ARL5B: variants seen among roughly 807,000 people sequenced by gnomAD.
The protein encoded by ARL5B is ARF like GTPase 5B, also known as ADP-ribosylation factor-like protein 5B.
ARL5B carries 10 observed loss-of-function variants against 26.9 expected under a neutral mutation model. The ratio of observed to expected loss-of-function variants is 0.37; its 90% CI spans 0.23 to 0.63. ARL5B has a LOEUF of 0.63. Among genes scored for constraint, ARL5B ranks in the 30% least tolerant of loss-of-function variants. The pLI, the probability that ARL5B is intolerant of heterozygous loss-of-function variation, is 0.62. For missense variants in ARL5B, 167 were observed against 213.9 expected (o/e 0.78, Z 1.37); for synonymous variants, 87 against 70.4 (o/e 1.24, Z -1.18).
chr10:18,671,069 T>C (rs201376557), intron 3 of ARL5B, among the ~76,000 whole-genome samples: 2 of 151,992 alleles, frequency 1.3e-5, no homozygotes, highest in Non-Finnish European at 2.9e-5. Context: ...CACAGTTGTT[T>C]CCCATATTCT....
In ARL5B at chr10:18,675,335, A is replaced by G. The variant is rs949128399; in HGVS notation, c.*119A>G. The G allele has an allele frequency of 5.4e-5, 52 of 962,002 alleles. No homozygotes were observed. In the Middle Eastern group the frequency reaches 8.7e-4, roughly 16 times the overall value. 59.6% of individuals were successfully genotyped at this position (962,002 alleles called of 1,614,324 possible). A position where few individuals can be genotyped will look rare whatever the true frequency, so the allele number is the denominator to read the frequency against. On this transcript the variant is annotated 3_prime_UTR_variant, in exon 6 of 6. Coordinates refer to ENST00000377275, the MANE Select transcript of ARL5B (RefSeq NM_178815.5). ...TATAACAACACAAACCTCTGAGAGC[A>G]ACACTTGAATCAAGTGCAGCTGAAC...
intron 1 of ARL5B, among the ~76,000 whole-genome samples, chr10:18,660,586 C>T (rs1381316043): frequency 6.6e-6 from 1 of 151,746 alleles, no homozygotes; most frequent in East Asian, 1.9e-4. Context: ...TTTGTTACTG[C>T]TAATGTAGGT....
chr10:18,667,491 T>C (rs898297582), intron 2 of ARL5B, among the ~76,000 whole-genome samples: 1 of 152,200 alleles, frequency 6.6e-6, no homozygotes, highest in African/African-American at 2.4e-5. Context: ...AAACATCACA[T>C]ATAAACATTT....
intron 1 of ARL5B, chr10:18,659,986 C>T (rs1424392652): frequency 2.1e-6 from 2 of 966,528 alleles, no homozygotes; most frequent in Non-Finnish European, 2.5e-6. Flanking sequence ...GTATGGAGGG[C>T]CTTTCTCGTC....
In ARL5B at chr10:18,675,148, T is replaced by C; in HGVS notation, c.492-20T>C. 1 of 1,608,772 alleles carries C rather than the reference T, an allele frequency of 6.2e-7. No individual in the cohort carries two copies. The highest frequency in any genetic ancestry group is 2.2e-5 in the East Asian group (1 of 44,818). On this transcript the variant is annotated intron_variant, in intron 5 of 5. Coordinates refer to ENST00000377275, the MANE Select transcript of ARL5B (RefSeq NM_178815.5). ...TAAGTATAAGGTTTTTAATTAAAAA[T>C]ACTTCTATCTTTTGTTTAGGTTATG...
intron 1 of ARL5B, among the ~76,000 whole-genome samples, chr10:18,666,318 A>G (rs1380730615): frequency 2.0e-5 from 3 of 152,252 alleles, no homozygotes; most frequent in Non-Finnish European, 4.4e-5. Flanking sequence ...TAAGTGACCA[A>G]CTTTGCTGGT....
chr10:18,666,682 A>T (rs756735575), intron 2 of ARL5B, 47 bp downstream of exon 2: 21 of 1,463,424 alleles, frequency 1.4e-5, no homozygotes, highest in Non-Finnish European at 1.2e-5. Flanking sequence ...TATTGAAACT[A>T]ATGTGTTTAC....
chr10:18,668,782 T>C (rs1590226722), intron 3 of ARL5B, 105 bp downstream of exon 3: 4 of 1,254,734 alleles, frequency 3.2e-6, no homozygotes, highest in Non-Finnish European at 4.3e-6. Flanking sequence ...TTTTTTTTTT[T>C]TTTTTTAAGA....
At chr10:18,662,507 C>T (rs1472663327) in intron 1 of ARL5B, among the ~76,000 whole-genome samples, 1 of 152,168 alleles carries the variant, frequency 6.6e-6, no homozygotes. Flanking sequence ...ATTTGGAATT[C>T]TGATTATCTC....
chr10:18,681,433 C>T lies in ARL5B; in HGVS notation c.*6217C>T, dbSNP rs1245692317. 1 of 152,076 alleles carries T rather than the reference C, an allele frequency of 6.6e-6. No homozygotes were observed. The highest frequency in any genetic ancestry group is 1.5e-5 in the Non-Finnish European group (1 of 68,016). The allele number at this position is 152,076 out of a possible 1,614,324, so 9.4% of individuals were successfully genotyped here. ...ATATGTTAAGTTTAGGTTGCCAGTA[C>T]TCATAATTTTTATTTCTGCAATTAT... On this transcript the variant is annotated 3_prime_UTR_variant, in exon 6 of 6. Coordinates refer to ENST00000377275, the MANE Select transcript of ARL5B (RefSeq NM_178815.5).
intron 5 of ARL5B, among the ~76,000 whole-genome samples, chr10:18,674,359 A>G (rs1368681248): frequency 2.0e-5 from 3 of 152,226 alleles, no homozygotes; most frequent in African/African-American, 7.2e-5. Flanking sequence ...ACCAAAAAGC[A>G]ATAAACTATT....
At chr10:18,666,985 C>T (rs536035974) in intron 2 of ARL5B, among the ~76,000 whole-genome samples, 1 of 152,106 alleles carries the variant, frequency 6.6e-6, no homozygotes, top group East Asian at 1.9e-4. Flanking sequence ...GCCATTGCTA[C>T]CCTCCTGACT....
rs765341931 is a variant in ARL5B at position 18,674,001 on chromosome 10, A to T, written c.357A>T (p.Ala119=). The part of the protein sequence containing the change: ...MLAHEDLRKA[A]VLIFANKQDM... ...GATTGCAGGATTTACGGAAGGCTGC[A>T]GTCCTTATCTTTGCAAATAAACAGG... Residue 119 remains alanine (A), a synonymous_variant, in exon 5 of 6, where the codon GCA becomes GCT. Transcript: ENST00000377275. The T allele has an allele frequency of 6.2e-7, 1 of 1,605,504 alleles. No individual in the cohort carries two copies. The highest frequency in any genetic ancestry group is 2.3e-5 in the East Asian group (1 of 44,362).
chr10:18,680,066 G>A lies in ARL5B; in HGVS notation c.*4850G>A, dbSNP rs1157087856. 5.3e-5 allele frequency: 8 copies of A among 151,960 alleles called. No homozygotes were observed. Among genetic ancestry groups the A allele is most frequent in the African/African-American group, 1.7e-4 (7 of 41,414 alleles). The allele number at this position is 151,960 out of a possible 1,614,324, so 9.4% of individuals were successfully genotyped here. ...GAAATGGAGAAATATGAAATGTGCT[G>A]TGCATAGCTTTTGGAATAGAAAACA... On this transcript the variant is annotated 3_prime_UTR_variant, in exon 6 of 6. Transcript: ENST00000377275.
chr10:18,661,545 A>G (rs181021607), intron 1 of ARL5B, among the ~76,000 whole-genome samples: 106 of 152,330 alleles, frequency 7.0e-4, no homozygotes, highest in African/African-American at 2.4e-3. Context: ...ATTCATTCAT[A>G]CAGCCATAGG....
rs2131656461 is a variant in ARL5B, at chr10:18,680,139, T to C, written c.*4923T>C. ...TTTTCTTGCACAACTTGTAAAATTT[T>C]AATTAAAAAATTACCTCATTTTTCA... On this transcript the variant is annotated 3_prime_UTR_variant, in exon 6 of 6. Transcript: ENST00000377275. 1 of 152,192 alleles carries C rather than the reference T, an allele frequency of 6.6e-6. No homozygotes were observed. Among genetic ancestry groups the C allele is most frequent in the African/African-American group, 2.4e-5 (1 of 41,574 alleles). The allele number at this position is 152,192 out of a possible 1,614,324, so 9.4% of individuals were successfully genotyped here.
chr10:18,670,742 G>A (rs1386434185), intron 3 of ARL5B, among the ~76,000 whole-genome samples: 3 of 152,212 alleles, frequency 2.0e-5, no homozygotes, highest in Admixed American at 6.5e-5. Flanking sequence ...TTGATGAATA[G>A]GTCAAAGTTG....
In ARL5B at chr10:18,666,812, TA is replaced by T. The variant is rs745441020; in HGVS notation, c.107+180del. Among the ~76,000 whole-genome samples the T allele has an allele frequency of 1.6e-3, 250 of 152,358 alleles. 3 individuals carry two copies. The highest frequency in any genetic ancestry group is 2.4e-3 in the Admixed American group (37 of 15,300). ...AAAAGTGAGTGAAATAAACATTTGC[TA>T]AACCCTTCACAAACACTTATTGTTT... On this transcript the variant is annotated intron_variant, in intron 2 of 5. Transcript: ENST00000377275.
In ARL5B at chr10:18,659,500, C is replaced by G. The variant is rs1021465068; in HGVS notation, c.-138C>G. On this transcript the variant is annotated 5_prime_UTR_variant, in exon 1 of 6. Transcript: ENST00000377275. ...CGCCTTCTGAGTGGTCGGGTCGAGG[C>G]TTCTCGGCCTAGCAGTGCCCTCGCT... 5 of 1,139,706 alleles carry G rather than the reference C, an allele frequency of 4.4e-6. No individual in the cohort carries two copies. The African/African-American group carries it at 8.3e-5, about 19-fold the overall frequency. The allele number at this position is 1,139,706 out of a possible 1,614,324, so 70.6% of individuals were successfully genotyped here.
Sources: allele counts gnomAD v4.1 joint callset (sites outside exome capture counted in the v4.1 genomes callset), GRCh38; gene constraint gnomAD v4.1.1; transcripts MANE v1.5; gene names NCBI Gene and HGNC (gene_info 2026-07-23, HGNC 2026-07-21).